TMTC2: variants seen among roughly 807,000 people sequenced by gnomAD.
The protein encoded by TMTC2 is protein O-mannosyl-transferase TMTC2.
In TMTC2, 43 loss-of-function variants were observed where a neutral mutation model predicts 82.4. The observed-to-expected ratio is 0.52, with a 90% CI of 0.41 to 0.67. The LOEUF is 0.67. Ranked by LOEUF, TMTC2 falls within the 30% of genes least tolerant of loss-of-function variation. TMTC2 has a pLI of 0.00. For missense variants in TMTC2, 919 were observed against 1,012.4 expected, an observed-to-expected ratio of 0.91 and a Z score of 1.25; for synonymous variants, 408 against 381.9, an observed-to-expected ratio of 1.07 and a Z score of -0.80.
At chr12:82,921,476 A>C in intron 3 of TMTC2, among the ~76,000 whole-genome samples, 1 of 152,124 alleles carries the variant, frequency 6.6e-6, no homozygotes, top group East Asian at 1.9e-4. Flanking sequence ...TTTTATTATA[A>C]TTTTTAAAAT....
intron 1 of TMTC2, among the ~76,000 whole-genome samples, chr12:82,764,836 CATT>C (rs1565740240): frequency 7.3e-5 from 1 of 13,608 alleles, no homozygotes; most frequent in African/African-American, 1.3e-4. Context: ...AGTGAATCTG[CATT>C]TTTTTTTTTT....
chr12:82,965,845 A>G, intron 6 of TMTC2, 101 bp downstream of exon 6: 3 of 1,252,620 alleles, frequency 2.4e-6, no homozygotes, highest in Non-Finnish European at 3.5e-6. Flanking sequence ...TCCTTTGAAC[A>G]ACTAATATGT....
chr12:82,865,937 G>A (rs923793041), intron 2 of TMTC2, among the ~76,000 whole-genome samples: 9 of 152,166 alleles, frequency 5.9e-5, no homozygotes, highest in African/African-American at 1.9e-4. Flanking sequence ...AATGAAGGCA[G>A]AAATAAAGAT....
chr12:82,780,802 AGTTTT>A (rs111702088), intron 1 of TMTC2, among the ~76,000 whole-genome samples: 176 of 150,274 alleles, frequency 1.2e-3, no homozygotes, highest in African/African-American at 4.1e-3. Flanking sequence ...ACATGTAAGA[AGTTTT>A]GTTTTTTTTT....
At chr12:82,800,900 G>A (rs1213942663) in intron 1 of TMTC2, among the ~76,000 whole-genome samples, 1 of 152,100 alleles carries the variant, frequency 6.6e-6, no homozygotes, top group Non-Finnish European at 1.5e-5. Flanking sequence ...CAACAAAGAG[G>A]GGGTTAAATC....
chr12:83,115,455 AT>A (rs1884722291), intron 11 of TMTC2, among the ~76,000 whole-genome samples: 1 of 152,050 alleles, frequency 6.6e-6, no homozygotes, highest in Admixed American at 6.5e-5. Context: ...AATTCTACTT[AT>A]TTTTATCCTT....
intron 1 of TMTC2, among the ~76,000 whole-genome samples, chr12:82,815,418 G>C (rs536176870): frequency 4.6e-5 from 7 of 151,724 alleles, no homozygotes; most frequent in East Asian, 3.9e-4. Flanking sequence ...TGACGCCATT[G>C]TCCTGCCTCA....
intron 8 of TMTC2, among the ~76,000 whole-genome samples, chr12:83,010,615 G>A (rs76522428): frequency 0.018 from 2,715 of 152,244 alleles, 71 homozygotes; most frequent in African/African-American, 0.061. Flanking sequence ...CCTGGTGATA[G>A]TCATTGTCTC....
intron 4 of TMTC2, among the ~76,000 whole-genome samples, chr12:82,935,483 C>G (rs1012503786): frequency 6.6e-6 from 1 of 152,080 alleles, no homozygotes; most frequent in African/African-American, 2.4e-5. Flanking sequence ...AGAGACAAAG[C>G]AGATGAATCG....
At chr12:83,024,371 A>T (rs1881071162) in intron 8 of TMTC2, among the ~76,000 whole-genome samples, 1 of 152,182 alleles carries the variant, frequency 6.6e-6, no homozygotes, top group African/African-American at 2.4e-5. Context: ...CATATTTTTC[A>T]AACTACACAT....
intron 3 of TMTC2, among the ~76,000 whole-genome samples, chr12:82,897,600 AC>A (rs1244199357): frequency 3.3e-5 from 5 of 151,996 alleles, no homozygotes; most frequent in African/African-American, 1.2e-4. Flanking sequence ...ATCTCGACTT[AC>A]TGCAACCTCC....
chr12:83,014,425 C>T (rs561583351), intron 8 of TMTC2, among the ~76,000 whole-genome samples: 90 of 152,260 alleles, frequency 5.9e-4, no homozygotes, highest in African/African-American at 1.9e-3. Flanking sequence ...ATGCAACCTC[C>T]GCCTCCCCGC....
intron 1 of TMTC2, among the ~76,000 whole-genome samples, chr12:82,848,144 A>C (rs978877014): frequency 2.0e-5 from 3 of 152,106 alleles, no homozygotes; most frequent in African/African-American, 7.3e-5. Flanking sequence ...TGTCCATCCC[A>C]TGAAGAAGAA....
At chr12:82,728,661 AC>A (rs972555634) in intron 1 of TMTC2, among the ~76,000 whole-genome samples, 1 of 152,086 alleles carries the variant, frequency 6.6e-6, no homozygotes, top group African/African-American at 2.4e-5. Flanking sequence ...CTTGGCGCCC[AC>A]TCTGGTCACG....
At chr12:82,803,550 T>C (rs1484704925) in intron 1 of TMTC2, among the ~76,000 whole-genome samples, 7 of 151,968 alleles carry the variant, frequency 4.6e-5, no homozygotes, top group African/African-American at 7.2e-5. Context: ...AGCTCAGGAA[T>C]TGGATGAGTA....
chr12:83,021,751 A>G (rs962985387), intron 8 of TMTC2: 3 of 152,268 alleles, frequency 2.0e-5, no homozygotes, highest in Middle Eastern at 3.4e-3. Context: ...GCTGTGGAGT[A>G]TTAACCTTCT....
intron 11 of TMTC2, among the ~76,000 whole-genome samples, chr12:83,077,206 G>T (rs1398760593): frequency 6.6e-6 from 1 of 152,158 alleles, no homozygotes; most frequent in Non-Finnish European, 1.5e-5. Context: ...GAAATGGCAT[G>T]TGCAGGAAGG....
chr12:83,131,224 C>G (rs1359624260), intron 11 of TMTC2, among the ~76,000 whole-genome samples: 1 of 152,180 alleles, frequency 6.6e-6, no homozygotes, highest in Non-Finnish European at 1.5e-5. Context: ...AAAATATTAT[C>G]TGCTTTCTGT....
chr12:82,769,048 G>A (rs1877140450), intron 1 of TMTC2, among the ~76,000 whole-genome samples: 1 of 151,184 alleles, frequency 6.6e-6, no homozygotes, highest in Non-Finnish European at 1.5e-5. Context: ...ATCCCAAAGA[G>A]CTTCAGGGGC....
Sources: allele counts gnomAD v4.1 joint callset (sites outside exome capture counted in the v4.1 genomes callset), GRCh38; gene constraint gnomAD v4.1.1; transcripts MANE v1.5; gene names NCBI Gene and HGNC (gene_info 2026-07-23, HGNC 2026-07-21).